The following INVS variants were observed in gnomAD, a reference collection of about 807,000 sequenced individuals.
The protein encoded by INVS is inversion of embryo turning homolog.
INVS carries 86 observed loss-of-function variants against 108.8 expected under a neutral mutation model. The observed-to-expected ratio is 0.79, with a 90% CI of 0.66 to 0.95. The LOEUF (loss-of-function observed/expected upper bound fraction) is 0.95, where lower values mean the gene tolerates loss of function less well. Among genes scored for constraint, INVS ranks in the 40% least tolerant of loss-of-function variants. The probability of loss-of-function intolerance (pLI) is 0.00; values close to 1 mark genes in which losing one functional copy is unlikely to be tolerated. For missense variants in INVS, 1,169 were observed against 1,297.4 expected, an observed-to-expected ratio of 0.90 and a Z score of 1.52; for synonymous variants, 455 against 473.5, an observed-to-expected ratio of 0.96 and a Z score of 0.51.
chr9:100,217,597 A>G (rs1831029835), intron 3 of INVS, among the ~76,000 whole-genome samples: 1 of 152,200 alleles, frequency 6.6e-6, no homozygotes, highest in African/African-American at 2.4e-5. Flanking sequence ...GTGGGTTTGC[A>G]TGACATCTGA....
At chr9:100,203,035 G>GT (rs1253720844) in intron 3 of INVS, among the ~76,000 whole-genome samples, 1 of 152,222 alleles carries the variant, frequency 6.6e-6, no homozygotes, top group Non-Finnish European at 1.5e-5. Context: ...TGCAAGGCAT[G>GT]TTGGAGGCAA....
intron 12 of INVS, among the ~76,000 whole-genome samples, chr9:100,273,527 CTTTTTT>C (rs58458085): frequency 1.0e-5 from 1 of 96,278 alleles, no homozygotes; most frequent in African/African-American, 4.6e-5. Context: ...CCACTCAGTT[CTTTTTT>C]TTTTTTTTTT....
chr9:100,173,859 A>C (rs1017999939), intron 3 of INVS, among the ~76,000 whole-genome samples: 4 of 152,238 alleles, frequency 2.6e-5, no homozygotes, highest in Admixed American at 2.6e-4. Flanking sequence ...AGATGGGGAA[A>C]AATTCAGGCA....
chr9:100,101,714 G>A (rs929617155), intron 1 of INVS: 4 of 152,166 alleles, frequency 2.6e-5, no homozygotes, highest in Non-Finnish European at 5.9e-5. Flanking sequence ...CAGATCCCCA[G>A]GAGTAACAGC....
intron 5 of INVS, among the ~76,000 whole-genome samples, chr9:100,230,928 G>A (rs1323818854): frequency 6.6e-6 from 1 of 152,206 alleles, no homozygotes; most frequent in African/African-American, 2.4e-5. Context: ...GTTATTGACA[G>A]ATACTTTGTT....
chr9:100,221,113 C>T (rs1831133886), intron 3 of INVS, among the ~76,000 whole-genome samples: 2 of 152,100 alleles, frequency 1.3e-5, no homozygotes, highest in South Asian at 2.1e-4. Flanking sequence ...GAAGGTTTTA[C>T]AGGAAGCAAA....
chr9:100,133,805 A>ACACG (rs1828131512), intron 3 of INVS, among the ~76,000 whole-genome samples: 4 of 143,490 alleles, frequency 2.8e-5, no homozygotes, highest in African/African-American at 1.1e-4. Context: ...ACACACACAC[A>ACACG]TACACACATC....
At chr9:100,157,431 AT>A (rs892323304) in intron 3 of INVS, among the ~76,000 whole-genome samples, 2 of 150,990 alleles carry the variant, frequency 1.3e-5, no homozygotes, top group African/African-American at 4.9e-5. Context: ...CGCCTGGCTA[AT>A]TTTTTTTGTA....
At chr9:100,142,503 A>G (rs1248749897) in intron 3 of INVS, among the ~76,000 whole-genome samples, 1 of 152,112 alleles carries the variant, frequency 6.6e-6, no homozygotes, top group Non-Finnish European at 1.5e-5. Flanking sequence ...AATGGGGTGA[A>G]TGTCAGGTGG....
intron 3 of INVS, among the ~76,000 whole-genome samples, chr9:100,140,305 T>C (rs1828382333): frequency 6.6e-6 from 1 of 151,946 alleles, no homozygotes; most frequent in African/African-American, 2.4e-5. Context: ...GGGGTGGAGC[T>C]GTTTTATAAG....
intron 6 of INVS, 98 bp from the exon 7 acceptor site, chr9:100,242,472 T>G: frequency 1.3e-6 from 1 of 751,530 alleles, no homozygotes; most frequent in South Asian, 1.5e-5. Context: ...GAATGCTGTA[T>G]TATGTTAGTG....
intron 5 of INVS, among the ~76,000 whole-genome samples, chr9:100,239,774 C>A (rs1263094165): frequency 6.6e-6 from 1 of 152,016 alleles, no homozygotes; most frequent in South Asian, 2.1e-4. Context: ...GAATTCAAGA[C>A]CAGCCTGAGA....
intron 1 of INVS, among the ~76,000 whole-genome samples, chr9:100,101,081 C>T (rs1826974096): frequency 8.2e-6 from 1 of 121,370 alleles, no homozygotes; most frequent in South Asian, 2.3e-4. Flanking sequence ...TATACACACA[C>T]ACACATATAT....
intron 10 of INVS, among the ~76,000 whole-genome samples, chr9:100,259,134 C>T (rs532629884): frequency 1.3e-5 from 2 of 152,320 alleles, no homozygotes; most frequent in African/African-American, 2.4e-5. Context: ...ACGCCCCTCC[C>T]CCAGCCTCGC....
At chr9:100,135,132 T>C (rs1456892354) in intron 3 of INVS, among the ~76,000 whole-genome samples, 2 of 152,224 alleles carry the variant, frequency 1.3e-5, no homozygotes, top group Admixed American at 6.5e-5. Flanking sequence ...TTATGCACTT[T>C]ACTGTATATG....
chr9:100,230,932 C>T (rs768909124), intron 5 of INVS, among the ~76,000 whole-genome samples: 1 of 152,178 alleles, frequency 6.6e-6, no homozygotes, highest in Non-Finnish European at 1.5e-5. Flanking sequence ...TTGACAGATA[C>T]TTTGTTTCCA....
intron 5 of INVS, among the ~76,000 whole-genome samples, chr9:100,230,585 C>G (rs1016338438): frequency 6.6e-6 from 1 of 152,150 alleles, no homozygotes. Context: ...GTGGCATGAT[C>G]TCGGCTTACT....
intron 3 of INVS, among the ~76,000 whole-genome samples, chr9:100,186,384 A>C (rs7047728): frequency 0.19 from 29,377 of 151,914 alleles, 4,534 homozygotes; most frequent in African/African-American, 0.43. Context: ...AACTCCTGAC[A>C]TCATGATCCA....
In INVS at chr9:100,138,874, T is replaced by A. The variant is rs564413292; in HGVS notation, c.273+12325T>A. 7.7e-5 allele frequency among the ~76,000 whole-genome samples: 11 copies of A among 143,594 alleles called. No homozygotes were observed. In the South Asian group the frequency reaches 2.3e-3, roughly 30 times the overall value. 94.2% of individuals were successfully genotyped at this position (143,594 alleles called of 152,430 possible). A position where few individuals can be genotyped will look rare whatever the true frequency, so the allele number is the denominator to read the frequency against. On this transcript the variant is annotated intron_variant, in intron 3 of 16. Transcript: ENST00000262457. ...GGGGCCTGCCACCACGCCTGGATAA[T>A]TTTTGTATTTTTAGTAGAGATGGGT... is the stretch of plus-strand genomic sequence containing the variant.
Sources: allele counts gnomAD v4.1 joint callset (sites outside exome capture counted in the v4.1 genomes callset), GRCh38; gene constraint gnomAD v4.1.1; transcripts MANE v1.5; gene names NCBI Gene and HGNC (gene_info 2026-07-23, HGNC 2026-07-21).